Variants in STRADA observed in about 807,000 individuals in gnomAD.
STRADA encodes the protein STE20 related adaptor alpha, also known as STE20-related kinase adapter protein alpha.
In STRADA, 26 loss-of-function variants were observed where a neutral mutation model predicts 55.0. That is an observed-to-expected ratio of 0.47 (90% CI 0.35 to 0.66). The LOEUF is 0.66. Ranked by LOEUF, STRADA falls within the 30% of genes least tolerant of loss-of-function variation. STRADA has a pLI of 0.01. For synonymous variants in STRADA, 197 were observed against 210.9 expected (o/e 0.93, Z 0.57); for missense variants, 443 against 549.7 (o/e 0.81, Z 1.94).
Position 63,738,024 on chromosome 17 carries a change from T to G in STRADA, c.-45+3717A>C, listed in dbSNP as rs146618517. 9.9e-3 allele frequency among the ~76,000 whole-genome samples: 1,428 copies of G among 144,774 alleles called. 20 individuals carry two copies. The highest frequency in any genetic ancestry group is 0.023 in the African/African-American group (890 of 39,162). The allele number at this position is 144,774 out of a possible 152,430, so 95.0% of individuals were successfully genotyped here. ...AGAGAAGAGAAAAGAAAAACGAAAATAAACGAAAAGAAACGAAAAGAAAAA... is the reference window on the plus strand; with the variant it reads ...AGAGAAGAGAAAAGAAAAACGAAAAGAAACGAAAAGAAACGAAAAGAAAAA... On this transcript the variant is annotated intron_variant, in intron 1 of 12. Coordinates refer to ENST00000336174, the MANE Select transcript of STRADA (RefSeq NM_001003787.4).
intron 3 of STRADA, among the ~76,000 whole-genome samples, chr17:63,725,397 G>A (rs1323346803): frequency 6.6e-6 from 1 of 151,980 alleles, no homozygotes; most frequent in Non-Finnish European, 1.5e-5. Flanking sequence ...TGTCGCCCAG[G>A]CTGGAGTGCA....
chr17:63,707,334 G>A lies in STRADA; in HGVS notation c.666C>T (p.Ser222=). The stretch of plus-strand genomic sequence containing the variant: ...GGACCACTCGCTGCCGCTGCCCATG[G>A]CTTATCATGCTGAGGTTGCTGCGCA... The part of the protein sequence containing the change: ...SGLRSNLSMI[S]HGQRQRVVHD... The change falls in exon 9 of 13, where the codon AGC becomes AGT. Residue 222 remains serine (S), a synonymous_variant. Coordinates refer to ENST00000336174, the MANE Select transcript of STRADA (RefSeq NM_001003787.4). The A allele has an allele frequency of 6.2e-7, 1 of 1,614,182 alleles. No individual in the cohort carries two copies. Among genetic ancestry groups the A allele is most frequent in the Non-Finnish European group, 8.5e-7 (1 of 1,180,030 alleles).
At chr17:63,719,017 G>A (rs2037100419) in intron 4 of STRADA, 1 of 152,222 alleles carries the variant, frequency 6.6e-6, no homozygotes, top group Admixed American at 6.5e-5. Context: ...TATTCCCCCA[G>A]TGCCTGGAAC....
At chr17:63,732,091 AT>A in intron 1 of STRADA, among the ~76,000 whole-genome samples, 1 of 152,104 alleles carries the variant, frequency 6.6e-6, no homozygotes, top group South Asian at 2.1e-4. Flanking sequence ...GATGGTCTCG[AT>A]CTCCTGACCT....
chr17:63,738,098 C>T (rs916805591), intron 1 of STRADA, among the ~76,000 whole-genome samples: 2 of 151,484 alleles, frequency 1.3e-5, no homozygotes, highest in South Asian at 2.1e-4. Flanking sequence ...ATCCCAGCAC[C>T]TTGGGAGGCC....
At position 63,703,247 on chromosome 17, in the gene STRADA, T is replaced by C. The variant is rs2035840596; in HGVS notation, c.*352A>G. 1 of 210,618 alleles carries C rather than the reference T, an allele frequency of 4.7e-6. No individual in the cohort carries two copies. The highest frequency in any genetic ancestry group is 9.7e-6 in the Non-Finnish European group (1 of 103,570). The allele number at this position is 210,618 out of a possible 1,614,324, so 13.0% of individuals were successfully genotyped here. On this transcript the variant is annotated 3_prime_UTR_variant, in exon 13 of 13. Coordinates refer to ENST00000336174, the MANE Select transcript of STRADA (RefSeq NM_001003787.4). ...GCTGGTCGCAAGCACTGGGAAGAGG[T>C]GGCGGTCCTCGGGTTTAAGGAGCCA...
chr17:63,733,905 T>C (rs1480372516), intron 1 of STRADA, among the ~76,000 whole-genome samples: 2 of 152,206 alleles, frequency 1.3e-5, no homozygotes, highest in Admixed American at 6.5e-5. Context: ...CTGGGGAGGA[T>C]CCTTGGAAGT....
chr17:63,739,884 C>G (rs1187636450), intron 1 of STRADA, among the ~76,000 whole-genome samples: 5 of 138,522 alleles, frequency 3.6e-5, no homozygotes, highest in African/African-American at 1.2e-4. Flanking sequence ...GCTGCTCCGA[C>G]GAAGGCCCGG....
chr17:63,723,231 C>T (rs1332408955), intron 4 of STRADA, 67 bp downstream of exon 4: 1 of 1,548,924 alleles, frequency 6.5e-7, no homozygotes, highest in African/African-American at 1.4e-5. Context: ...CAACAAAACA[C>T]ACAAACTTCC....
In STRADA at chr17:63,710,557, A is replaced by G; in HGVS notation, c.515T>C (p.Ile172Thr). The change falls in exon 8 of 13, where the codon ATT (isoleucine) becomes ACT (threonine). Residue 172 changes from isoleucine (I) to threonine (T), a missense_variant. Physicochemically the swap from Ile to Thr is moderately conservative, Grantham distance 89. Coordinates refer to ENST00000336174, the MANE Select transcript of STRADA (RefSeq NM_001003787.4). ...HFMDGMNELA[I>T]AYILQGVLKA... ...CAGCACCCCCTGCAGGATGTAAGCA[A>G]TCGCCAGCTCATTCATGCCATCCAT... The G allele has an allele frequency of 6.2e-7, 1 of 1,614,034 alleles. No homozygotes were observed. Among genetic ancestry groups the G allele is most frequent in the Non-Finnish European group, 8.5e-7 (1 of 1,179,904 alleles).
chr17:63,723,322 C>T lies in STRADA; in HGVS notation c.99G>A (p.Gln33=). The change falls in exon 4 of 13, where the codon CAG becomes CAA. Residue 33 remains glutamine, a synonymous_variant. Coordinates refer to ENST00000336174, the MANE Select transcript of STRADA (RefSeq NM_001003787.4). ...CTTTTCTCCGAGTGTCACCCGGAGG[C>T]TGCTCTGGGGTAGAGAAATTGATTG... ...GLRDLELFGE[Q]PPGDTRRKTN... is the part of the protein sequence containing the mutation. 1 of 1,614,192 alleles carries T rather than the reference C, an allele frequency of 6.2e-7. No individual in the cohort carries two copies. The highest frequency in any genetic ancestry group is 8.5e-7 in the Non-Finnish European group (1 of 1,180,034).
intron 1 of STRADA, among the ~76,000 whole-genome samples, chr17:63,733,634 G>A (rs2038222284): frequency 6.6e-6 from 1 of 152,194 alleles, no homozygotes; most frequent in Non-Finnish European, 1.5e-5. Context: ...CCACTGGCTG[G>A]CATTGGGGAA....
At chr17:63,717,604 C>T (rs1188950818) in intron 4 of STRADA, among the ~76,000 whole-genome samples, 1 of 152,102 alleles carries the variant, frequency 6.6e-6, no homozygotes, top group East Asian at 1.9e-4. Flanking sequence ...CCTCAGCCTC[C>T]CAAGTAGCTG....
intron 1 of STRADA, among the ~76,000 whole-genome samples, chr17:63,731,622 T>C (rs920675551): frequency 6.6e-6 from 1 of 152,152 alleles, no homozygotes; most frequent in African/African-American, 2.4e-5. Context: ...CACTCATTTA[T>C]CTTGTCACAA....
chr17:63,713,573 AG>A lies in STRADA; in HGVS notation c.227-47del. The A allele has an allele frequency of 5.7e-6, 9 of 1,586,458 alleles. No homozygotes were observed. The African/African-American group carries it at 8.2e-5, about 14-fold the overall frequency. Reference sequence around the variant, plus strand: ...CATACGCAAGGACAAGAACAACAAAAGGTTTTAAGAAAATTTTCCTTTAAAA... The same window carrying A: ...CATACGCAAGGACAAGAACAACAAAAGTTTTAAGAAAATTTTCCTTTAAAA... On this transcript the variant is annotated intron_variant, in intron 5 of 12. Transcript: ENST00000336174.
intron 8 of STRADA, among the ~76,000 whole-genome samples, chr17:63,707,990 G>T (rs1429317656): frequency 6.6e-6 from 1 of 151,798 alleles, no homozygotes; most frequent in African/African-American, 2.4e-5. Flanking sequence ...ACCCGTCTCA[G>T]CCTCCCAAAG....
chr17:63,720,679 C>A (rs547966137), intron 4 of STRADA, among the ~76,000 whole-genome samples: 67 of 149,646 alleles, frequency 4.5e-4, no homozygotes, highest in Non-Finnish European at 8.3e-4. Flanking sequence ...GAGGCTGAGG[C>A]AGGAGAATGC....
At chr17:63,705,221 T>C (rs2036004270) in intron 10 of STRADA, 1 of 457,934 alleles carries the variant, frequency 2.2e-6, no homozygotes, top group Non-Finnish European at 4.0e-6. Flanking sequence ...TGATAGCCAC[T>C]AGCCACTTGT....
chr17:63,708,494 T>A (rs2036270365), intron 8 of STRADA, among the ~76,000 whole-genome samples: 1 of 151,650 alleles, frequency 6.6e-6, no homozygotes, highest in African/African-American at 2.4e-5. Flanking sequence ...AACTATGTTT[T>A]AATGAAAAAC....
Sources: gnomAD v4.1 joint callset for allele counts (sites outside exome capture counted in the v4.1 genomes callset) on GRCh38, gnomAD v4.1.1 for gene constraint, MANE v1.5 for transcripts, NCBI Gene and HGNC (gene_info 2026-07-23, HGNC 2026-07-21) for gene names.